Variants in MRTFB observed in about 807,000 individuals in gnomAD.
The protein encoded by MRTFB is myocardin related transcription factor B.
MRTFB carries 29 observed loss-of-function variants against 104.2 expected under a neutral mutation model. The ratio of observed to expected loss-of-function variants is 0.28; its 90% CI spans 0.21 to 0.38. The LOEUF (loss-of-function observed/expected upper bound fraction) is 0.38. MRTFB is among the 10% of genes least tolerant of loss of function. MRTFB has a pLI of 1.00. For missense variants in MRTFB, 1,270 were observed against 1,341.6 expected, an observed-to-expected ratio of 0.95 and a Z score of 0.83; for synonymous variants, 535 against 519.5, an observed-to-expected ratio of 1.03 and a Z score of -0.41.
intron 1 of MRTFB, among the ~76,000 whole-genome samples, chr16:14,077,783 G>A (rs535579029): frequency 5.3e-5 from 8 of 151,962 alleles, no homozygotes; most frequent in Non-Finnish European, 1.0e-4. Context: ...TGCCAACATG[G>A]GCTGAGGTTG....
At chr16:14,110,653 A>C (rs2036222933) in intron 2 of MRTFB, among the ~76,000 whole-genome samples, 1 of 152,118 alleles carries the variant, frequency 6.6e-6, no homozygotes, top group African/African-American at 2.4e-5. Flanking sequence ...CTTGAAACTC[A>C]TCCACAGCAT....
intron 2 of MRTFB, among the ~76,000 whole-genome samples, chr16:14,117,832 G>GA (rs1232983564): frequency 1.3e-5 from 2 of 152,104 alleles, no homozygotes; most frequent in South Asian, 2.1e-4. Context: ...GACTAGAAAG[G>GA]AAAAAAGAAA....
Position 14,140,579 on chromosome 16 carries a change from A to C in MRTFB, c.-28A>C. 1 of 1,613,376 alleles carries C rather than the reference A, an allele frequency of 6.2e-7. No individual in the cohort carries two copies. Among genetic ancestry groups the C allele is most frequent in the Non-Finnish European group, 8.5e-7 (1 of 1,179,574 alleles). Reference sequence around the variant, plus strand: ...AGGCCGTGTTTAAGAGGCGTCTTACACTCCCTGTTGCCAGTGGCTGGAACA... The same window carrying C: ...AGGCCGTGTTTAAGAGGCGTCTTACCCTCCCTGTTGCCAGTGGCTGGAACA... On this transcript the variant is annotated 5_prime_UTR_variant, in exon 3 of 17. Coordinates refer to ENST00000571589, the MANE Select transcript of MRTFB (RefSeq NM_001308142.2).
At chr16:14,087,123 A>G (rs7199552) in intron 2 of MRTFB, among the ~76,000 whole-genome samples, 22,071 of 152,214 alleles carry the variant, frequency 0.14, 3,856 homozygotes, top group African/African-American at 0.42. Context: ...TACAGAGAAT[A>G]GATCCCTAGC....
intron 3 of MRTFB, among the ~76,000 whole-genome samples, chr16:14,182,136 AGTG>A (rs2039790701): frequency 6.6e-6 from 1 of 152,234 alleles, no homozygotes; most frequent in African/African-American, 2.4e-5. Flanking sequence ...TTCAGGTGAC[AGTG>A]GTGGGGGTTT....
At position 14,248,960 on chromosome 16, in the gene MRTFB, A is replaced by C. The variant is rs895440422; in HGVS notation, c.2282A>C (p.Gln761Pro). The C allele has an allele frequency of 6.2e-7, 1 of 1,614,206 alleles. No homozygotes were observed. The highest frequency in any genetic ancestry group is 1.3e-5 in the African/African-American group (1 of 75,058). Residue 761 changes from glutamine to proline, a missense_variant, in exon 13 of 17, where the codon CAG becomes CCG. Physicochemically the swap from Gln to Pro is moderately conservative, Grantham distance 76. This residue lies in a region of MRTFB where 1,144 missense variants were observed against 1,131.5 expected (regional missense o/e 1.01). Transcript: ENST00000571589. ...SPQAGMQTQP[Q>P]IATAAQIPTA... ...CAAGCAGGAATGCAGACTCAGCCTC[A>C]GATAGCAACTGCTGCACAAATACCA...
chr16:14,229,545 G>A lies in MRTFB; in HGVS notation c.694-4601G>A, dbSNP rs372734760. The stretch of plus-strand genomic sequence containing the variant: ...CACATAAAGAAATTCTAATAAAGAG[G>A]AACAGTCCGGAAGCAATGACTGGCC... On this transcript the variant is annotated intron_variant, in intron 8 of 16. Transcript: ENST00000571589. Among the ~76,000 whole-genome samples, 7 of 152,254 alleles carry A rather than the reference G, an allele frequency of 4.6e-5. No homozygotes were observed. In the East Asian group the frequency reaches 1.3e-3, roughly 29 times the overall value.
At chr16:14,027,896 G>A in the MRTFB span, among the ~76,000 whole-genome samples, 1 of 152,190 alleles carries the variant, frequency 6.6e-6, no homozygotes, top group Non-Finnish European at 1.5e-5. Flanking sequence ...GCAGCTGTGG[G>A]CTGGGTGCAG....
At chr16:14,157,557 T>G (rs1049322510) in intron 3 of MRTFB, among the ~76,000 whole-genome samples, 3 of 152,184 alleles carry the variant, frequency 2.0e-5, no homozygotes, top group African/African-American at 7.2e-5. Context: ...TCACAGTTGC[T>G]GAGAAGCCAG....
At chr16:14,134,632 T>A (rs1433052344) in intron 2 of MRTFB, among the ~76,000 whole-genome samples, 1 of 152,240 alleles carries the variant, frequency 6.6e-6, no homozygotes, top group Non-Finnish European at 1.5e-5. Context: ...TGCCTAATAA[T>A]GTAGGCCTTC....
chr16:14,021,100 A>G, the MRTFB span: 1 of 152,260 alleles, frequency 6.6e-6, no homozygotes, highest in Non-Finnish European at 1.5e-5. Context: ...TGGCACTAAC[A>G]CCAGCTTAAG....
chr16:13,999,837 C>G, the MRTFB span, among the ~76,000 whole-genome samples: 1 of 152,280 alleles, frequency 6.6e-6, no homozygotes, highest in South Asian at 2.1e-4. Context: ...GTGGGGTTTC[C>G]TTGCTGCATA....
At position 14,240,263 on chromosome 16, in the gene MRTFB, C is replaced by T; in HGVS notation, c.858C>T (p.Asp286=). The change falls in exon 10 of 17, where the codon GAC becomes GAT. Residue 286 remains aspartate (D), a synonymous_variant. Coordinates refer to ENST00000571589, the MANE Select transcript of MRTFB (RefSeq NM_001308142.2). ...VKQSHPKNPN[D]KHRSKKCKDP... ...AAAGCCATCCCAAGAATCCAAATGA[C>T]AAACACCGTAGCAAAAAGTGCAAAG... 1 of 1,607,750 alleles carries T rather than the reference C, an allele frequency of 6.2e-7. No homozygotes were observed. The highest frequency in any genetic ancestry group is 8.5e-7 in the Non-Finnish European group (1 of 1,177,438).
intron 4 of MRTFB, among the ~76,000 whole-genome samples, chr16:14,212,037 A>T (rs2041212317): frequency 6.6e-6 from 1 of 152,114 alleles, no homozygotes; most frequent in African/African-American, 2.4e-5. Flanking sequence ...AAGAGCAAAG[A>T]CTCATCAAGG....
intron 4 of MRTFB, 66 bp downstream of exon 4, chr16:14,210,374 C>A: frequency 8.2e-7 from 1 of 1,216,296 alleles, no homozygotes; most frequent in Non-Finnish European, 1.2e-6. Context: ...CCAAGAAGAG[C>A]CTGCATCTTG....
At position 14,252,409 on chromosome 16, in the gene MRTFB, T is replaced by C. The variant is rs771146640; in HGVS notation, c.2610T>C (p.Ser870=). 3.1e-6 allele frequency: 5 copies of C among 1,613,466 alleles called. No homozygotes were observed. Among genetic ancestry groups the C allele is most frequent in the Non-Finnish European group, 4.2e-6 (5 of 1,179,944 alleles). The change falls in exon 15 of 17, where the codon TCT becomes TCC. Residue 870 remains serine (S), a synonymous_variant. Coordinates refer to ENST00000571589, the MANE Select transcript of MRTFB (RefSeq NM_001308142.2). ...CCCAGCAATTTGTCGTCCAGCACTC[T>C]CTATTTGGGAGTCCAGTCGCCAAGA... ...PPPQQFVVQH[S]LFGSPVAKTK...
chr16:14,053,388 A>T, the MRTFB span, among the ~76,000 whole-genome samples: 4 of 152,194 alleles, frequency 2.6e-5, no homozygotes, highest in Non-Finnish European at 5.9e-5. Flanking sequence ...ATAAACATTG[A>T]TGTAGCCGAG....
At chr16:14,153,627 T>TA (rs1024275662) in intron 3 of MRTFB, among the ~76,000 whole-genome samples, 1 of 152,158 alleles carries the variant, frequency 6.6e-6, no homozygotes, top group South Asian at 2.1e-4. Flanking sequence ...AAGTTAGGAC[T>TA]AAAAAAATTT....
At chr16:14,242,700 C>T (rs980045392) in intron 10 of MRTFB, among the ~76,000 whole-genome samples, 6 of 152,220 alleles carry the variant, frequency 3.9e-5, no homozygotes, top group African/African-American at 1.2e-4. Flanking sequence ...TCCCTCTGAA[C>T]GCAGGTCTCT....
Sources: gnomAD v4.1 joint callset for allele counts (sites outside exome capture counted in the v4.1 genomes callset) on GRCh38, gnomAD v4.1.1 for gene constraint, gnomAD v4.1.1 regional missense constraint, MANE v1.5 for transcripts, NCBI Gene and HGNC (gene_info 2026-07-23, HGNC 2026-07-21) for gene names.